Variants in ESR1 observed in about 807,000 individuals in gnomAD.
ESR1 encodes estrogen receptor.
A neutral mutation model predicts 52.7 loss-of-function variants in ESR1; 12 were observed. The ratio of observed to expected loss-of-function variants is 0.23; its 90% CI spans 0.15 to 0.37. ESR1 has a LOEUF of 0.37. Among genes scored for constraint, ESR1 ranks in the 10% least tolerant of loss-of-function variants. The pLI is 1.00. For synonymous variants in ESR1, 305 were observed against 316.8 expected (o/e 0.96, Z 0.39); for missense variants, 584 against 779.7 (o/e 0.75, Z 2.99).
At chr6:152,001,084 A>G (rs1173963326) in intron 4 of ESR1, among the ~76,000 whole-genome samples, 1 of 152,080 alleles carries the variant, frequency 6.6e-6, no homozygotes. Context: ...AAGATATGGG[A>G]TAGTTTTTAC....
At position 151,842,781 on chromosome 6, in the gene ESR1, A is replaced by T. The variant is rs2128234832; in HGVS notation, c.637A>T (p.Ile213Phe). Residue 213 changes from isoleucine (I) to phenylalanine (F), a missense_variant, in exon 2 of 8, where the codon ATT (isoleucine) becomes TTT (phenylalanine). This residue lies in a region of ESR1 where 25 missense variants were observed against 53.0 expected (regional missense o/e 0.47). Transcript: ENST00000206249. ...CTGCAAGGCCTTCTTCAAGAGAAGTATTCAAGGTAATAGTGTGTTGAAAAC... is the reference window on the plus strand; with the variant it reads ...CTGCAAGGCCTTCTTCAAGAGAAGTTTTCAAGGTAATAGTGTGTTGAAAAC... ...EGCKAFFKRS[I>F]QGHNDYMCPA... The T allele has an allele frequency of 6.2e-7, 1 of 1,613,686 alleles. No individual in the cohort carries two copies. Among genetic ancestry groups the T allele is most frequent in the East Asian group, 2.2e-5 (1 of 44,862 alleles).
chr6:152,059,381 G>T (rs980006671), intron 5 of ESR1, among the ~76,000 whole-genome samples: 1 of 151,628 alleles, frequency 6.6e-6, no homozygotes, highest in Admixed American at 6.6e-5. Context: ...TAAATGAAAC[G>T]TTCGATAAAT....
intron 4 of ESR1, among the ~76,000 whole-genome samples, chr6:152,008,716 C>T (rs527635638): frequency 7.9e-5 from 12 of 151,496 alleles, no homozygotes; most frequent in East Asian, 1.9e-4. Flanking sequence ...TTAGATAATC[C>T]GAGGTAGGTT....
upstream of ESR1, among the ~76,000 whole-genome samples, chr6:151,686,124 A>G (rs1778662902): frequency 7.5e-6 from 1 of 134,000 alleles, no homozygotes; most frequent in Non-Finnish European, 1.5e-5. Flanking sequence ...TGCTCAGGCT[A>G]GTCTTGAACT....
At chr6:152,026,026 G>GT (rs1407186962) in intron 5 of ESR1, among the ~76,000 whole-genome samples, 2 of 151,866 alleles carry the variant, frequency 1.3e-5, no homozygotes, top group Non-Finnish European at 2.9e-5. Flanking sequence ...ATTTTGTTTT[G>GT]TTTTTTGTTT....
At chr6:151,953,358 C>T (rs1280695125) in intron 4 of ESR1, among the ~76,000 whole-genome samples, 2 of 152,052 alleles carry the variant, frequency 1.3e-5, no homozygotes, top group Non-Finnish European at 2.9e-5. Flanking sequence ...GAGTTGAAGA[C>T]CAGAGAACTG....
At chr6:151,942,903 A>G (rs1203842012) in intron 3 of ESR1, among the ~76,000 whole-genome samples, 1 of 152,192 alleles carries the variant, frequency 6.6e-6, no homozygotes, top group Non-Finnish European at 1.5e-5. Flanking sequence ...TTGAAAATAT[A>G]GAAGCTTTTT....
At chr6:151,827,682 A>C (rs535214053) in intron 1 of ESR1, among the ~76,000 whole-genome samples, 1 of 152,232 alleles carries the variant, frequency 6.6e-6, no homozygotes, top group East Asian at 1.9e-4. Flanking sequence ...TTAAAAGTTA[A>C]AACACTATGT....
chr6:152,061,668 G>T lies in ESR1; in HGVS notation c.1369+544G>T. ...AAAGAACATTTTCCATTTGCTCTAT[G>T]AAGTCTGATTCTACTGCCCCTTCGT... is the stretch of plus-strand genomic sequence containing the variant. On this transcript the variant is annotated intron_variant, in intron 6 of 7. Transcript: ENST00000206249. The surrounding 1 kb of genome is among the most constrained non-coding windows in gnomAD (Gnocchi z 4.3). 6.6e-6 allele frequency among the ~76,000 whole-genome samples: 1 copy of T among 152,352 alleles called. No homozygotes were observed. The highest frequency in any genetic ancestry group is 1.9e-4 in the East Asian group (1 of 5,192).
At chr6:151,940,254 T>C (rs1335679731) in intron 3 of ESR1, among the ~76,000 whole-genome samples, 3 of 152,188 alleles carry the variant, frequency 2.0e-5, no homozygotes, top group South Asian at 2.1e-4. Flanking sequence ...GCCCCCATGA[T>C]TCAGTTACCT....
At chr6:152,029,598 A>G (rs1338012035) in intron 5 of ESR1, among the ~76,000 whole-genome samples, 2 of 152,208 alleles carry the variant, frequency 1.3e-5, no homozygotes, top group Non-Finnish European at 2.9e-5. Context: ...AGAAAGAAGA[A>G]TAAAAAGAAA....
intron 4 of ESR1, among the ~76,000 whole-genome samples, chr6:152,003,619 A>G (rs1355936367): frequency 6.6e-6 from 1 of 151,928 alleles, no homozygotes; most frequent in Non-Finnish European, 1.5e-5. Flanking sequence ...TAGGTAACAA[A>G]TAGGAGCATA....
intron 6 of ESR1, among the ~76,000 whole-genome samples, chr6:152,075,458 A>T (rs949970065): frequency 1.3e-5 from 2 of 152,126 alleles, no homozygotes; most frequent in African/African-American, 4.8e-5. Flanking sequence ...ACATTTTTTC[A>T]ATACAGTTTT....
At chr6:152,012,343 C>T (rs1183801387) in intron 5 of ESR1, among the ~76,000 whole-genome samples, 1 of 150,656 alleles carries the variant, frequency 6.6e-6, no homozygotes, top group African/African-American at 2.5e-5. Context: ...AATGTGGGTC[C>T]CATTGTTTTT....
chr6:152,110,995 T>C (rs1237131550), intron 6 of ESR1, among the ~76,000 whole-genome samples: 1 of 152,126 alleles, frequency 6.6e-6, no homozygotes, highest in Non-Finnish European at 1.5e-5. Context: ...TTTTCCTCTG[T>C]ACCTTGGCAC....
chr6:151,963,358 A>C (rs905359374), intron 4 of ESR1, among the ~76,000 whole-genome samples: 1 of 152,176 alleles, frequency 6.6e-6, no homozygotes, highest in Non-Finnish European at 1.5e-5. Context: ...TGTGGGTAAG[A>C]GTGATCCCAG....
chr6:151,801,780 T>C (rs544762195), upstream of ESR1, among the ~76,000 whole-genome samples: 1 of 152,110 alleles, frequency 6.6e-6, no homozygotes, highest in Non-Finnish European at 1.5e-5. Context: ...GCCTTGGGGG[T>C]CCCATTGCAG....
intron 1 of ESR1, among the ~76,000 whole-genome samples, chr6:151,832,838 C>T (rs749181373): frequency 5.9e-5 from 9 of 152,102 alleles, no homozygotes; most frequent in Non-Finnish European, 1.2e-4. Context: ...ATAAGGAACA[C>T]AGAATTTTAG....
At chr6:151,757,091 A>G (rs1784347703) in intron 2 of ESR1, among the ~76,000 whole-genome samples, 9 of 152,304 alleles carry the variant, frequency 5.9e-5, no homozygotes, top group Admixed American at 5.9e-4. Context: ...GTGTGAGGGT[A>G]CAGAGAGAGT....
Sources: allele counts gnomAD v4.1 joint callset (sites outside exome capture counted in the v4.1 genomes callset), GRCh38; gene constraint gnomAD v4.1.1; regional missense constraint gnomAD v4.1.1; non-coding constraint Gnocchi (gnomAD v3.1); transcripts MANE v1.5; gene names NCBI Gene and HGNC (gene_info 2026-07-23, HGNC 2026-07-21).